The following CLIC4 variants were observed in gnomAD, a reference collection of about 807,000 sequenced individuals.
CLIC4 encodes chloride intracellular channel protein 4.
Under a neutral mutation model 24.6 loss-of-function variants are expected in CLIC4, and 13 were observed. The observed-to-expected ratio is 0.53, with a 90% CI of 0.34 to 0.84. The LOEUF (loss-of-function observed/expected upper bound fraction) is 0.84. Among genes scored for constraint, CLIC4 ranks in the 40% least tolerant of loss-of-function variants. CLIC4 has a pLI of 0.01. For synonymous variants in CLIC4, 104 were observed against 111.3 expected, an observed-to-expected ratio of 0.93 and a Z score of 0.41; for missense variants, 227 against 301.7, an observed-to-expected ratio of 0.75 and a Z score of 1.83.
chr1:24,820,067 G>GTGTATATATATATATA (rs1212033050), intron 3 of CLIC4, among the ~76,000 whole-genome samples: 1,954 of 36,216 alleles, frequency 0.054, 392 homozygotes, highest in Non-Finnish European at 0.077. Context: ...AAAAAAGTAT[G>GTGTATATATATATATA]TATATATATA....
At chr1:24,761,205 G>C (rs1187076182) in intron 1 of CLIC4, among the ~76,000 whole-genome samples, 1 of 152,118 alleles carries the variant, frequency 6.6e-6, no homozygotes, top group Non-Finnish European at 1.5e-5. Flanking sequence ...AGGAGATCAG[G>C]AGTTTAGTTT....
chr1:24,754,394 C>T (rs112138255), intron 1 of CLIC4, among the ~76,000 whole-genome samples: 3 of 152,138 alleles, frequency 2.0e-5, no homozygotes, highest in African/African-American at 4.8e-5. Context: ...CATCCTTTTC[C>T]GCTTCCTGTT....
chr1:24,813,158 C>T (rs1639632495), intron 2 of CLIC4, among the ~76,000 whole-genome samples: 1 of 151,420 alleles, frequency 6.6e-6, no homozygotes, highest in South Asian at 2.1e-4. Context: ...ATTCTCCTGC[C>T]TCAGCCTCCT....
intron 3 of CLIC4, among the ~76,000 whole-genome samples, chr1:24,814,960 G>A (rs1159496062): frequency 6.6e-6 from 1 of 152,194 alleles, no homozygotes; most frequent in Non-Finnish European, 1.5e-5. Flanking sequence ...CCAGGAATGG[G>A]ATTATTGAGA....
intron 4 of CLIC4, among the ~76,000 whole-genome samples, chr1:24,828,382 A>G (rs1465200349): frequency 6.6e-6 from 1 of 151,508 alleles, no homozygotes; most frequent in African/African-American, 2.4e-5. Context: ...TTTTTTCCTG[A>G]CTAATGTTTC....
At chr1:24,798,836 G>T (rs1388172011) in intron 2 of CLIC4, among the ~76,000 whole-genome samples, 1 of 152,218 alleles carries the variant, frequency 6.6e-6, no homozygotes, top group Non-Finnish European at 1.5e-5. Flanking sequence ...TGGTGGAGAC[G>T]GGGTTTCGCT....
chr1:24,750,565 A>G (rs570882810), intron 1 of CLIC4, among the ~76,000 whole-genome samples: 4 of 151,440 alleles, frequency 2.6e-5, no homozygotes, highest in African/African-American at 9.7e-5. Context: ...AGGTTTCTCC[A>G]TGTTGGTCAG....
chr1:24,774,743 C>T (rs746350234), intron 1 of CLIC4, among the ~76,000 whole-genome samples: 4 of 151,666 alleles, frequency 2.6e-5, no homozygotes, highest in Non-Finnish European at 5.9e-5. Flanking sequence ...GTGAGAGCTG[C>T]GCTTCAGCTT....
intron 1 of CLIC4, among the ~76,000 whole-genome samples, chr1:24,790,787 G>A (rs1312034591): frequency 3.3e-5 from 5 of 152,192 alleles, no homozygotes. Context: ...AGACATTACA[G>A]CCTCCAGAGG....
At chr1:24,837,147 C>A (rs569104648) in intron 4 of CLIC4, among the ~76,000 whole-genome samples, 5 of 151,684 alleles carry the variant, frequency 3.3e-5, no homozygotes, top group African/African-American at 1.2e-4. Context: ...TTTGCAAAGT[C>A]TAACAAATAA....
At chr1:24,789,372 G>A (rs4649019) in intron 1 of CLIC4, among the ~76,000 whole-genome samples, 1 of 152,140 alleles carries the variant, frequency 6.6e-6, no homozygotes, top group Non-Finnish European at 1.5e-5. Flanking sequence ...ACAAAAATTA[G>A]CTGGGTATGG....
intron 1 of CLIC4, among the ~76,000 whole-genome samples, chr1:24,786,574 A>AT (rs1157755171): frequency 6.6e-6 from 1 of 152,216 alleles, no homozygotes; most frequent in African/African-American, 2.4e-5. Context: ...CAGTGGGATT[A>AT]TTTAAGTTTT....
intron 1 of CLIC4, among the ~76,000 whole-genome samples, chr1:24,750,034 G>A (rs1224773981): frequency 4.6e-5 from 7 of 152,194 alleles, no homozygotes; most frequent in Non-Finnish European, 7.3e-5. Context: ...GCTGTGAGCC[G>A]TGATCGTGCC....
intron 1 of CLIC4, among the ~76,000 whole-genome samples, chr1:24,766,425 C>T (rs1156327327): frequency 6.8e-6 from 1 of 146,688 alleles, no homozygotes; most frequent in African/African-American, 2.5e-5. Context: ...AGCCACTGCA[C>T]CTTTTTTCTT....
intron 1 of CLIC4, among the ~76,000 whole-genome samples, chr1:24,772,854 A>C (rs1014553150): frequency 6.6e-6 from 1 of 152,236 alleles, no homozygotes; most frequent in African/African-American, 2.4e-5. Context: ...AGGAAGATTC[A>C]TTAATTTATT....
intron 2 of CLIC4, among the ~76,000 whole-genome samples, chr1:24,809,213 G>A (rs1036203180): frequency 6.6e-6 from 1 of 152,188 alleles, no homozygotes; most frequent in East Asian, 1.9e-4. Flanking sequence ...CTTTGTTTAG[G>A]AAGCAAGATA....
At chr1:24,805,854 G>A (rs529815448) in intron 2 of CLIC4, among the ~76,000 whole-genome samples, 41 of 152,152 alleles carry the variant, frequency 2.7e-4, no homozygotes, top group African/African-American at 8.9e-4. Context: ...AGCTCCTATA[G>A]GATTCCTCCT....
At chr1:24,776,265 G>C (rs1462047922) in intron 1 of CLIC4, among the ~76,000 whole-genome samples, 1 of 152,148 alleles carries the variant, frequency 6.6e-6, no homozygotes, top group Non-Finnish European at 1.5e-5. Context: ...AAAGTCAGCA[G>C]AACTGTGAAT....
intron 4 of CLIC4, 105 bp from the exon 5 acceptor site, chr1:24,839,755 G>A: frequency 2.0e-6 from 2 of 999,560 alleles, no homozygotes; most frequent in Non-Finnish European, 2.9e-6. Flanking sequence ...TTGTTTCAGA[G>A]TAAACATTTT....
Sources: allele counts gnomAD v4.1 joint callset (sites outside exome capture counted in the v4.1 genomes callset), GRCh38; gene constraint gnomAD v4.1.1; transcripts MANE v1.5; gene names NCBI Gene and HGNC (gene_info 2026-07-23, HGNC 2026-07-21).